Variants in RAPGEF5 observed in about 807,000 individuals in gnomAD.
RAPGEF5 encodes the protein M-Ras-regulated GEF.
A neutral mutation model predicts 125.2 loss-of-function variants in RAPGEF5; 65 were observed. That is an observed-to-expected ratio of 0.52 (90% CI 0.43 to 0.64). The LOEUF (loss-of-function observed/expected upper bound fraction) is 0.64, where lower values mean the gene tolerates loss of function less well. Among genes scored for constraint, RAPGEF5 ranks in the 30% least tolerant of loss-of-function variants. RAPGEF5 has a pLI of 0.00. For missense variants in RAPGEF5, 958 were observed against 1,048.1 expected (o/e 0.91, Z 1.19); for synonymous variants, 391 against 385.9 (o/e 1.01, Z -0.16).
At chr7:22,289,342 A>G (rs942470909) in intron 6 of RAPGEF5, among the ~76,000 whole-genome samples, 1 of 152,240 alleles carries the variant, frequency 6.6e-6, no homozygotes, top group Non-Finnish European at 1.5e-5. Context: ...GGAGATAAAA[A>G]TTCTGAGTTC....
intron 12 of RAPGEF5, among the ~76,000 whole-genome samples, chr7:22,165,487 T>C (rs1784134414): frequency 6.6e-6 from 1 of 152,212 alleles, no homozygotes; most frequent in Non-Finnish European, 1.5e-5. Flanking sequence ...TATTGCTAAA[T>C]GTCTTAGCAA....
chr7:22,243,243 T>A (rs1469259515), intron 7 of RAPGEF5, among the ~76,000 whole-genome samples: 1 of 152,110 alleles, frequency 6.6e-6, no homozygotes, highest in Non-Finnish European at 1.5e-5. Flanking sequence ...ATAAAAAAGT[T>A]TTTTTTGTTT....
intron 9 of RAPGEF5, among the ~76,000 whole-genome samples, chr7:22,216,501 T>C (rs905517747): frequency 6.6e-6 from 1 of 152,210 alleles, no homozygotes; most frequent in Non-Finnish European, 1.5e-5. Flanking sequence ...TTAGTCATTC[T>C]TCAGGGTCAA....
At chr7:22,275,117 G>A (rs1021899767) in intron 6 of RAPGEF5, among the ~76,000 whole-genome samples, 1 of 152,120 alleles carries the variant, frequency 6.6e-6, no homozygotes, top group South Asian at 2.1e-4. Flanking sequence ...TTGTATGGCT[G>A]TCACTTACTT....
chr7:22,239,605 G>C (rs1301326588), intron 7 of RAPGEF5, among the ~76,000 whole-genome samples: 1 of 152,040 alleles, frequency 6.6e-6, no homozygotes, highest in Non-Finnish European at 1.5e-5. Context: ...CTACAGCAGA[G>C]AGGACTCCAT....
intron 4 of RAPGEF5, among the ~76,000 whole-genome samples, chr7:22,308,910 G>A (rs2128152601): frequency 6.6e-6 from 1 of 152,300 alleles, no homozygotes; most frequent in Admixed American, 6.5e-5. Context: ...TAGGGTGACT[G>A]TGCCTCCCCC....
chr7:22,213,542 T>C (rs182599381), intron 9 of RAPGEF5, among the ~76,000 whole-genome samples: 62 of 152,342 alleles, frequency 4.1e-4, no homozygotes, highest in Non-Finnish European at 7.1e-4. Flanking sequence ...TTTTTGTTAC[T>C]CTGTGGCCAT....
intron 11 of RAPGEF5, among the ~76,000 whole-genome samples, chr7:22,171,344 T>C (rs529534380): frequency 6.6e-6 from 1 of 152,230 alleles, no homozygotes; most frequent in African/African-American, 2.4e-5. Flanking sequence ...AAAAGCATGT[T>C]TGTATACATA....
At chr7:22,156,689 C>T (rs1405103934) in intron 16 of RAPGEF5, 121 bp downstream of exon 16, 29 of 1,484,330 alleles carry the variant, frequency 2.0e-5, no homozygotes, top group Non-Finnish European at 2.1e-5. Flanking sequence ...TTGAGGCTAA[C>T]GTGCTTATCT....
chr7:22,150,670 T>A (rs1783598468), intron 17 of RAPGEF5, among the ~76,000 whole-genome samples, 166 bp from the exon 18 acceptor site: 2 of 152,238 alleles, frequency 1.3e-5, no homozygotes, highest in African/African-American at 4.8e-5. Context: ...TATACAATGA[T>A]ACCAGTGGCA....
intron 11 of RAPGEF5, among the ~76,000 whole-genome samples, chr7:22,171,100 G>C (rs1341104795): frequency 2.0e-5 from 3 of 150,710 alleles, no homozygotes; most frequent in Non-Finnish European, 4.4e-5. Flanking sequence ...TCAAAGTGAT[G>C]CACTTCAAAT....
intron 7 of RAPGEF5, among the ~76,000 whole-genome samples, chr7:22,265,575 T>C (rs1782262671): frequency 6.6e-6 from 1 of 152,194 alleles, no homozygotes; most frequent in South Asian, 2.1e-4. Flanking sequence ...AGTGCAGATA[T>C]CTCTTTGATA....
chr7:22,264,575 C>T (rs1420763421), intron 7 of RAPGEF5, among the ~76,000 whole-genome samples: 1 of 152,188 alleles, frequency 6.6e-6, no homozygotes, highest in Non-Finnish European at 1.5e-5. Context: ...CTACCTCTCT[C>T]AGCCTCATTC....
chr7:22,134,050 G>T (rs1783003880), intron 23 of RAPGEF5, among the ~76,000 whole-genome samples: 2 of 152,124 alleles, frequency 1.3e-5, no homozygotes, highest in South Asian at 4.1e-4. Flanking sequence ...CACAAGAGAG[G>T]GGGAGACAAA....
At chr7:22,312,750 G>A (rs1284304030) in intron 3 of RAPGEF5, among the ~76,000 whole-genome samples, 1 of 152,300 alleles carries the variant, frequency 6.6e-6, no homozygotes, top group Admixed American at 6.5e-5. Flanking sequence ...ACTTTATCAA[G>A]TTATGTTTTA....
At chr7:22,308,701 A>G (rs1036642665) in intron 4 of RAPGEF5, among the ~76,000 whole-genome samples, 194 bp from the exon 5 acceptor site, 1 of 152,206 alleles carries the variant, frequency 6.6e-6, no homozygotes, top group Non-Finnish European at 1.5e-5. Flanking sequence ...TATTTTTACT[A>G]CTAGAAGCTC....
chr7:22,267,219 A>G (rs1159933071), intron 6 of RAPGEF5, among the ~76,000 whole-genome samples: 1 of 152,216 alleles, frequency 6.6e-6, no homozygotes, highest in Non-Finnish European at 1.5e-5. Flanking sequence ...ATATTGAATT[A>G]CTTTTTTAAA....
chr7:22,278,929 G>C (rs992479280), intron 6 of RAPGEF5, among the ~76,000 whole-genome samples: 1 of 151,890 alleles, frequency 6.6e-6, no homozygotes, highest in African/African-American at 2.4e-5. Context: ...AGCTCTTGAA[G>C]TTCCGTAATT....
intron 1 of RAPGEF5, among the ~76,000 whole-genome samples, chr7:22,322,043 T>C (rs1237996568): frequency 2.0e-5 from 3 of 152,192 alleles, no homozygotes; most frequent in Admixed American, 6.5e-5. Flanking sequence ...CACATCACTC[T>C]ATGATAACAT....
Sources: gnomAD v4.1 joint callset for allele counts (sites outside exome capture counted in the v4.1 genomes callset) on GRCh38, gnomAD v4.1.1 for gene constraint, MANE v1.5 for transcripts, NCBI Gene and HGNC (gene_info 2026-07-23, HGNC 2026-07-21) for gene names.